Variants in SYT1 observed in about 807,000 individuals in gnomAD.
SYT1 encodes synaptotagmin 1.
SYT1 carries 8 observed loss-of-function variants against 44.8 expected under a neutral mutation model. That is an observed-to-expected ratio of 0.18 (90% CI 0.10 to 0.32). The LOEUF (loss-of-function observed/expected upper bound fraction) is 0.32. Among genes scored for constraint, SYT1 ranks in the 10% least tolerant of loss-of-function variants. The pLI is 1.00. For missense variants in SYT1, 286 were observed against 509.3 expected (o/e 0.56, Z 4.22); for synonymous variants, 154 against 188.8 (o/e 0.82, Z 1.51).
At chr12:78,876,861 T>TGTATTAC (rs1874169632) in intron 1 of SYT1, among the ~76,000 whole-genome samples, 5 of 4,438 alleles carry the variant, frequency 1.1e-3, no homozygotes, top group African/African-American at 2.0e-3. Context: ...ATATATAATA[T>TGTATTAC]ATATAATATA....
chr12:79,348,930 A>T (rs1882725457), intron 8 of SYT1, among the ~76,000 whole-genome samples: 1 of 150,018 alleles, frequency 6.7e-6, no homozygotes, highest in Non-Finnish European at 1.5e-5. Flanking sequence ...GAAAAAAGAA[A>T]GAAAGGAAAG....
intron 2 of SYT1, among the ~76,000 whole-genome samples, chr12:78,979,612 T>G (rs1869098708): frequency 6.6e-6 from 1 of 152,146 alleles, no homozygotes; most frequent in Non-Finnish European, 1.5e-5. Context: ...TAAATTTGAA[T>G]TTTAATTTTT....
At chr12:79,120,213 G>A (rs972018521) in intron 3 of SYT1, among the ~76,000 whole-genome samples, 1 of 152,060 alleles carries the variant, frequency 6.6e-6, no homozygotes, top group Admixed American at 6.5e-5. Context: ...CAAGAGGACA[G>A]AGCAATTAAT....
chr12:79,134,560 A>G (rs906023781), intron 3 of SYT1, among the ~76,000 whole-genome samples: 1 of 152,198 alleles, frequency 6.6e-6, no homozygotes, highest in African/African-American at 2.4e-5. Flanking sequence ...ACTAGAATAT[A>G]CTAGAATGCT....
At chr12:79,249,192 C>T (rs1303610308) in intron 4 of SYT1, among the ~76,000 whole-genome samples, 2 of 147,088 alleles carry the variant, frequency 1.4e-5, no homozygotes, top group East Asian at 4.1e-4. Context: ...GCAAGCTCCG[C>T]TTCCCGGGTT....
chr12:79,340,898 G>T (rs1392264243), intron 8 of SYT1, among the ~76,000 whole-genome samples: 1 of 152,168 alleles, frequency 6.6e-6, no homozygotes. Flanking sequence ...CCACTAAAAA[G>T]TCACAGTAGT....
At chr12:78,884,242 G>C (rs1456054501) in intron 1 of SYT1, among the ~76,000 whole-genome samples, 2 of 151,358 alleles carry the variant, frequency 1.3e-5, no homozygotes, top group Non-Finnish European at 3.0e-5. Context: ...ATTTATGTTG[G>C]ATTAGATATT....
At chr12:79,054,294 T>C (rs1401293103) in intron 3 of SYT1, among the ~76,000 whole-genome samples, 1 of 152,046 alleles carries the variant, frequency 6.6e-6, no homozygotes, top group Non-Finnish European at 1.5e-5. Flanking sequence ...CACACGTTAC[T>C]TTTCTTTTCT....
chr12:79,114,883 TG>T (rs1418873770), intron 3 of SYT1, among the ~76,000 whole-genome samples: 1 of 152,086 alleles, frequency 6.6e-6, no homozygotes, highest in Non-Finnish European at 1.5e-5. Context: ...AATACCAAAC[TG>T]GCAACATTCC....
chr12:79,242,316 C>T (rs150520902), intron 4 of SYT1, among the ~76,000 whole-genome samples: 163 of 152,272 alleles, frequency 1.1e-3, no homozygotes, highest in African/African-American at 3.7e-3. Context: ...GGTTATAGAG[C>T]GGCTTGGGAA....
intron 2 of SYT1, among the ~76,000 whole-genome samples, chr12:78,981,752 T>C (rs1365338366): frequency 6.6e-6 from 1 of 152,216 alleles, no homozygotes; most frequent in Non-Finnish European, 1.5e-5. Flanking sequence ...ATTTATGAAA[T>C]AGTTATTGAA....
Position 78,945,145 on chromosome 12 carries a change from A to G in SYT1, c.-216-32654A>G, listed in dbSNP as rs370546536. On this transcript the variant is annotated intron_variant, in intron 1 of 10. Transcript: ENST00000261205. Reference sequence around the variant, plus strand: ...GTGTAGCCACAGGTGTGTATAGACAAAACTGAACTTATAAATAACACAGCA... The same window carrying G: ...GTGTAGCCACAGGTGTGTATAGACAGAACTGAACTTATAAATAACACAGCA... Among the ~76,000 whole-genome samples, 19 of 152,330 alleles carry G rather than the reference A, an allele frequency of 1.2e-4. No individual in the cohort carries two copies. In the East Asian group the frequency reaches 1.5e-3, roughly 12 times the overall value.
chr12:79,258,080 AG>A (rs1182854207), intron 4 of SYT1, among the ~76,000 whole-genome samples: 1 of 145,746 alleles, frequency 6.9e-6, no homozygotes, highest in Non-Finnish European at 1.5e-5. Context: ...AAATATAAAA[AG>A]TGATTATTTG....
intron 3 of SYT1, among the ~76,000 whole-genome samples, chr12:79,198,765 G>A (rs1238223983): frequency 6.6e-6 from 1 of 152,148 alleles, no homozygotes; most frequent in Non-Finnish European, 1.5e-5. Flanking sequence ...ATGACAGAAT[G>A]TTCATGTGGG....
At chr12:79,445,990 C>CACATAT (rs1351149858) in intron 10 of SYT1, among the ~76,000 whole-genome samples, 16 of 44,152 alleles carry the variant, frequency 3.6e-4, no homozygotes, top group East Asian at 1.6e-3. Context: ...AATCCAAAGA[C>CACATAT]ATATATATAT....
intron 3 of SYT1, among the ~76,000 whole-genome samples, chr12:79,161,489 A>G (rs978156083): frequency 6.6e-6 from 1 of 152,108 alleles, no homozygotes; most frequent in African/African-American, 2.4e-5. Flanking sequence ...CTAACAATGC[A>G]TTTTTCAGAC....
chr12:79,254,290 C>T (rs1197248074), intron 4 of SYT1, among the ~76,000 whole-genome samples: 1 of 152,178 alleles, frequency 6.6e-6, no homozygotes, highest in Non-Finnish European at 1.5e-5. Flanking sequence ...AATGATGACA[C>T]AGCTACTCTT....
chr12:79,213,215 G>T (rs1392980224), intron 3 of SYT1, among the ~76,000 whole-genome samples: 1 of 152,134 alleles, frequency 6.6e-6, no homozygotes, highest in East Asian at 1.9e-4. Context: ...CTTCTCTTCA[G>T]TATATAATAT....
rs1310685198 is a variant in SYT1 at position 79,170,359 on chromosome 12, CATT to C, written c.-17-47140_-17-47138del. ...TTTTCTCCACAACCTTGCCAGCATC[CATT>C]ATTTTTTGACTTTTTGATACTAGCC... is the stretch of plus-strand genomic sequence containing the variant. On this transcript the variant is annotated intron_variant, in intron 3 of 10. Transcript: ENST00000261205. 2.6e-5 allele frequency among the ~76,000 whole-genome samples: 4 copies of C among 151,846 alleles called. No homozygotes were observed. The East Asian group carries it at 7.8e-4, about 30-fold the overall frequency.
Sources: gnomAD v4.1 joint callset for allele counts (sites outside exome capture counted in the v4.1 genomes callset) on GRCh38, gnomAD v4.1.1 for gene constraint, MANE v1.5 for transcripts, NCBI Gene and HGNC (gene_info 2026-07-23, HGNC 2026-07-21) for gene names.